Variants in MAPK13 observed in about 807,000 individuals in gnomAD.
The protein encoded by MAPK13 is mitogen-activated protein kinase 13.
MAPK13 carries 39 observed loss-of-function variants against 53.5 expected under a neutral mutation model. The ratio of observed to expected loss-of-function variants is 0.73; its 90% CI spans 0.56 to 0.95. MAPK13 has a LOEUF of 0.95. Among genes scored for constraint, MAPK13 ranks in the 40% least tolerant of loss-of-function variants. The pLI, the probability that MAPK13 is intolerant of heterozygous loss-of-function variation, is 0.00. For missense variants in MAPK13, 460 were observed against 471.8 expected, an observed-to-expected ratio of 0.98 and a Z score of 0.23; for synonymous variants, 179 against 190.9, an observed-to-expected ratio of 0.94 and a Z score of 0.51.
intron 9 of MAPK13, 39 bp downstream of exon 9, chr6:36,138,483 T>C (rs2127487245): frequency 1.3e-6 from 2 of 1,598,290 alleles, no homozygotes; most frequent in Non-Finnish European, 1.7e-6. Context: ...CTGGGCTGTG[T>C]GCTTGCCTGA....
At position 36,138,972 on chromosome 6, in the gene MAPK13, G is replaced by C; in HGVS notation, c.935G>C (p.Arg312Pro). The C allele has an allele frequency of 6.2e-7, 1 of 1,613,890 alleles. No individual in the cohort carries two copies. The highest frequency in any genetic ancestry group is 8.5e-7 in the Non-Finnish European group (1 of 1,179,972). ...ALTHPFFEPFRDPEEETEAQQ... is the reference protein window; with the variant it reads ...ALTHPFFEPFPDPEEETEAQQ... Reference sequence around the variant, plus strand: ...ACCCATCCCTTCTTTGAACCCTTCCGGGACCCTGAGGAAGAGACGGAGGCC... The same window carrying C: ...ACCCATCCCTTCTTTGAACCCTTCCCGGACCCTGAGGAAGAGACGGAGGCC... Residue 312 changes from arginine to proline, a missense_variant, in exon 11 of 12, where the codon CGG becomes CCG. Transcript: ENST00000211287.
At position 36,139,030 on chromosome 6, in the gene MAPK13, G is replaced by C. The variant is rs778837321; in HGVS notation, c.993G>C (p.Glu331Asp). The C allele has an allele frequency of 1.9e-6, 3 of 1,607,266 alleles. No homozygotes were observed. The Admixed American group carries it at 5.2e-5, about 28-fold the overall frequency. Residue 331 changes from glutamate to aspartate, a missense_variant, in exon 11 of 12, where the codon GAG becomes GAC. By Grantham distance (45) the Glu-to-Asp change is conservative. Coordinates refer to ENST00000211287, the MANE Select transcript of MAPK13 (RefSeq NM_002754.5). ...CGTTTGATGATTCCTTAGAACACGA[G>C]AAACTCACAGTGGATGAATGGAAGC... ...QQPFDDSLEH[E>D]KLTVDEWKQH...
Position 36,136,521 on chromosome 6 carries a change from G to C in MAPK13, c.485G>C (p.Cys162Ser). The C allele has an allele frequency of 6.2e-7, 1 of 1,604,920 alleles. No individual in the cohort carries two copies. Among genetic ancestry groups the C allele is most frequent in the Non-Finnish European group, 8.5e-7 (1 of 1,175,576 alleles). ...GGCAACCTGGCTGTGAATGAGGACT[G>C]TGAACTGAAGGTGAGTGGGCTGCAG... ...KPGNLAVNED[C>S]ELKILDFGLA... is the part of the protein sequence containing the mutation. Residue 162 changes from cysteine to serine, a missense_variant, in exon 6 of 12, where the codon TGT (cysteine) becomes TCT (serine). Physicochemically the swap from Cys to Ser is moderately radical, Grantham distance 112. Transcript: ENST00000211287.
In MAPK13 at chr6:36,130,604, G is replaced by A. The variant is rs200978679; in HGVS notation, c.22G>A (p.Gly8Ser). The A allele has an allele frequency of 6.3e-7, 1 of 1,579,512 alleles. No homozygotes were observed. Among genetic ancestry groups the A allele is most frequent in the African/African-American group, 1.4e-5 (1 of 70,902 alleles). The change falls in exon 1 of 12, where the codon GGC becomes AGC. Residue 8 changes from glycine (G) to serine (S), a missense_variant. Coordinates refer to ENST00000211287, the MANE Select transcript of MAPK13 (RefSeq NM_002754.5). The surrounding 1 kb of genome is among the most constrained non-coding windows in gnomAD (Gnocchi z 4.5). MSLIRKK[G>S]FYKQDVNKTA... is the part of the protein sequence containing the mutation. ...CGGGATGAGCCTCATCCGGAAAAAG[G>A]GCTTCTACAAGCAGGACGTCAACAA...
chr6:36,134,335 C>A (rs1244801900), intron 3 of MAPK13, among the ~76,000 whole-genome samples: 2 of 151,880 alleles, frequency 1.3e-5, no homozygotes, highest in African/African-American at 4.9e-5. Context: ...ACAACAACAA[C>A]AACAACAAAA....
intron 6 of MAPK13, 54 bp downstream of exon 6, chr6:36,136,585 G>T: frequency 1.3e-6 from 2 of 1,596,170 alleles, no homozygotes; most frequent in Non-Finnish European, 1.7e-6. Flanking sequence ...CCCCAGGGAA[G>T]CCCCTGGAAG....
Position 36,138,749 on chromosome 6 carries a change from C to T in MAPK13, c.810C>T (p.Phe270=), listed in dbSNP as rs751264919. 1.9e-6 allele frequency: 3 copies of T among 1,614,066 alleles called. No individual in the cohort carries two copies. Among genetic ancestry groups the T allele is most frequent in the South Asian group, 1.1e-5 (1 of 91,094 alleles). Reference sequence around the variant, plus strand: ...TGCCACAGACCCCCAGGAAGGATTTCACTCAGCTGTTCCCACGGGCCAGCC... The same window carrying T: ...TGCCACAGACCCCCAGGAAGGATTTTACTCAGCTGTTCCCACGGGCCAGCC... ...QSLPQTPRKD[F]TQLFPRASPQ... The change falls in exon 10 of 12, where the codon TTC becomes TTT. Residue 270 remains phenylalanine, a synonymous_variant. Transcript: ENST00000211287.
intron 3 of MAPK13, among the ~76,000 whole-genome samples, chr6:36,133,995 G>A (rs1314107670): frequency 6.6e-6 from 1 of 152,182 alleles, no homozygotes; most frequent in Non-Finnish European, 1.5e-5. Flanking sequence ...CTGGCAGTAG[G>A]AGGGAAGCAG....
rs1305258307 is a variant in MAPK13 at position 36,140,865 on chromosome 6, T to A, written c.*1492T>A. The stretch of plus-strand genomic sequence containing the variant: ...ATTACATCTTACTGCAACCTCAGCC[T>A]CCTGGGCTCAAGCCATCCTCCCACC... On this transcript the variant is annotated 3_prime_UTR_variant, in exon 12 of 12. Transcript: ENST00000211287. 1 of 152,354 alleles carries A rather than the reference T, an allele frequency of 6.6e-6. No individual in the cohort carries two copies. Among genetic ancestry groups the A allele is most frequent in the African/African-American group, 2.4e-5 (1 of 41,456 alleles). The allele number at this position is 152,354 out of a possible 1,614,324, so 9.4% of individuals were successfully genotyped here. A position where few individuals can be genotyped will look rare whatever the true frequency, so the allele number is the denominator to read the frequency against.
At position 36,130,553 on chromosome 6, in the gene MAPK13, C is replaced by A. The variant is rs753384828; in HGVS notation, c.-30C>A. The A allele has an allele frequency of 7.9e-7, 1 of 1,272,988 alleles. No homozygotes were observed. Among genetic ancestry groups the A allele is most frequent in the Non-Finnish European group, 1.1e-6 (1 of 916,214 alleles). The allele number at this position is 1,272,988 out of a possible 1,614,324, so 78.9% of individuals were successfully genotyped here. A position where few individuals can be genotyped will look rare whatever the true frequency, so the allele number is the denominator to read the frequency against. Reference sequence around the variant, plus strand: ...CGTTGGGCCGCGAACGCAGCCGCCACGCTGGGGCCGCCGAGATCGGGTGCC... The same window carrying A: ...CGTTGGGCCGCGAACGCAGCCGCCAAGCTGGGGCCGCCGAGATCGGGTGCC... On this transcript the variant is annotated 5_prime_UTR_variant, in exon 1 of 12. Coordinates refer to ENST00000211287, the MANE Select transcript of MAPK13 (RefSeq NM_002754.5). This position sits in a 1 kb window ranked among gnomAD's most constrained non-coding sequence, Gnocchi z 4.5.
In MAPK13 at chr6:36,136,017, A is replaced by G. The variant is rs753383172; in HGVS notation, c.418-2A>G. ...ACTCACCCTTCTCTCTCTCCCACAT[A>G]GTACATCCACTCTGCTGGGGTCGTG... On this transcript the variant is annotated splice_acceptor_variant, in intron 4 of 11. Coordinates refer to ENST00000211287, the MANE Select transcript of MAPK13 (RefSeq NM_002754.5). LOFTEE classifies it high-confidence loss of function. 1.2e-6 allele frequency: 2 copies of G among 1,613,944 alleles called. No individual in the cohort carries two copies. The highest frequency in any genetic ancestry group is 1.1e-5 in the South Asian group (1 of 91,084).
chr6:36,136,117 A>G, intron 5 of MAPK13, 69 bp downstream of exon 5: 1 of 1,586,056 alleles, frequency 6.3e-7, no homozygotes, highest in Non-Finnish European at 8.7e-7. Context: ...TTCTCTGGCA[A>G]TCAAGGAGTG....
At chr6:36,135,945 T>TA in intron 4 of MAPK13, 74 bp from the exon 5 acceptor site, 1 of 1,604,900 alleles carries the variant, frequency 6.2e-7, no homozygotes. Context: ...AGCGCACTGT[T>TA]ACAGGTCGGC....
intron 8 of MAPK13, among the ~76,000 whole-genome samples, chr6:36,137,225 C>T (rs570257563): frequency 6.6e-6 from 1 of 151,910 alleles, no homozygotes; most frequent in Non-Finnish European, 1.5e-5. Context: ...TTTAAATTAG[C>T]CAGACATGGG....
rs769602431 is a variant in MAPK13 at position 36,132,673 on chromosome 6, A to G, written c.302A>G (p.Tyr101Cys). The stretch of plus-strand genomic sequence containing the variant: ...CCAGCCTCCTCCCTGCGCAACTTCT[A>G]TGACTTGTGAGTTGGGCTGCACTGG... ...FTPASSLRNF[Y>C]DFYLVMPFMQ... The change falls in exon 3 of 12, where the codon TAT (tyrosine) becomes TGT (cysteine). Residue 101 changes from tyrosine to cysteine, a missense_variant. Transcript: ENST00000211287. 3.1e-6 allele frequency: 5 copies of G among 1,614,026 alleles called. No homozygotes were observed. Among genetic ancestry groups the G allele is most frequent in the East Asian group, 2.2e-5 (1 of 44,892 alleles).
rs2127488037 is a variant in MAPK13, at chr6:36,141,264, G to GT, written c.*1892dup. 6.6e-6 allele frequency: 1 copy of GT among 152,330 alleles called. No individual in the cohort carries two copies. Among genetic ancestry groups the GT allele is most frequent in the African/African-American group, 2.4e-5 (1 of 41,564 alleles). 9.4% of individuals were successfully genotyped at this position (152,330 alleles called of 1,614,324 possible). On this transcript the variant is annotated 3_prime_UTR_variant, in exon 12 of 12. Coordinates refer to ENST00000211287, the MANE Select transcript of MAPK13 (RefSeq NM_002754.5). Reference sequence around the variant, plus strand: ...ATGTATCAGTATTGGTTCATAAATTGTAACAATTGTGCCACACTAATGCAA... The same window carrying GT: ...ATGTATCAGTATTGGTTCATAAATTGTTAACAATTGTGCCACACTAATGCAA...
At position 36,130,646 on chromosome 6, in the gene MAPK13, C is replaced by T. The variant is rs1581877501; in HGVS notation, c.64C>T (p.Pro22Ser). 3.8e-6 allele frequency: 6 copies of T among 1,587,336 alleles called. No homozygotes were observed. Among genetic ancestry groups the T allele is most frequent in the South Asian group, 2.2e-5 (2 of 89,156 alleles). ...CGTCAACAAGACAGCCTGGGAGCTG[C>T]CCAAGACCTACGTGTCCCCGACGCA... ...QDVNKTAWEL[P>S]KTYVSPTHVG... Residue 22 changes from proline (P) to serine (S), a missense_variant, in exon 1 of 12, where the codon CCC (proline) becomes TCC (serine). Pro to Ser is a moderately conservative substitution (Grantham distance 74). Coordinates refer to ENST00000211287, the MANE Select transcript of MAPK13 (RefSeq NM_002754.5). The surrounding 1 kb of genome is among the most constrained non-coding windows in gnomAD (Gnocchi z 4.5).
At chr6:36,138,676 G>A (rs1442791847) in intron 9 of MAPK13, 26 bp from the exon 10 acceptor site, 1 of 1,607,622 alleles carries the variant, frequency 6.2e-7, no homozygotes, top group Non-Finnish European at 8.5e-7. Context: ...GAGCCCTAAG[G>A]GGTTTGATGC....
chr6:36,136,573 TC>T, intron 6 of MAPK13, 42 bp downstream of exon 6: 1 of 1,593,066 alleles, frequency 6.3e-7, no homozygotes, highest in Non-Finnish European at 8.6e-7. Context: ...GGATAGGCCC[TC>T]CCCCAGGGAA....
Sources: allele counts gnomAD v4.1 joint callset (sites outside exome capture counted in the v4.1 genomes callset), GRCh38; gene constraint gnomAD v4.1.1; non-coding constraint Gnocchi (gnomAD v3.1); transcripts MANE v1.5; gene names NCBI Gene and HGNC (gene_info 2026-07-23, HGNC 2026-07-21).